The following CDYL variants were observed in gnomAD, a reference collection of about 807,000 sequenced individuals.
The protein encoded by CDYL is chromodomain Y-like protein.
Under a neutral mutation model 47.3 loss-of-function variants are expected in CDYL, and 8 were observed. The observed-to-expected ratio is 0.17, with a 90% CI of 0.10 to 0.31. The LOEUF (loss-of-function observed/expected upper bound fraction) is 0.31, where lower values mean the gene tolerates loss of function less well. Ranked by LOEUF, CDYL falls within the 10% of genes least tolerant of loss-of-function variation. The pLI, the probability that CDYL is intolerant of heterozygous loss-of-function variation, is 1.00. For synonymous variants in CDYL, 266 were observed against 265.0 expected (o/e 1.00, Z -0.04); for missense variants, 471 against 701.4 (o/e 0.67, Z 3.71).
intron 1 of CDYL, among the ~76,000 whole-genome samples, chr6:4,811,258 T>C (rs1175623887): frequency 1.3e-5 from 2 of 152,240 alleles, no homozygotes; most frequent in African/African-American, 4.8e-5. Context: ...CTATGTTGCA[T>C]AGATAATACT....
intron 2 of CDYL, among the ~76,000 whole-genome samples, chr6:4,899,167 T>C (rs1756934095): frequency 6.6e-6 from 1 of 152,124 alleles, no homozygotes; most frequent in African/African-American, 2.4e-5. Flanking sequence ...TTTGTAATCA[T>C]CCCCTGTTGT....
intron 1 of CDYL, chr6:4,836,447 T>G (rs771756666): frequency 1.1e-5 from 2 of 182,642 alleles, no homozygotes; most frequent in African/African-American, 2.4e-5. Flanking sequence ...TTATGGGTTC[T>G]GGGAATTGAG....
chr6:4,852,046 T>C (rs778936090), intron 1 of CDYL, among the ~76,000 whole-genome samples: 1 of 152,222 alleles, frequency 6.6e-6, no homozygotes, highest in Non-Finnish European at 1.5e-5. Flanking sequence ...CTTGCTCTTC[T>C]GTAAAGCGAT....
chr6:4,954,096 G>A lies in CDYL; in HGVS notation c.*40G>A. ...ACTGGTGACACCGGGATCGGGCTGA[G>A]CAGGAGAACATCACCGGCTCCAGTT... On this transcript the variant is annotated 3_prime_UTR_variant, in exon 7 of 7. Coordinates refer to ENST00000397588, the MANE Select transcript of CDYL (RefSeq NM_004824.4). 6.3e-7 allele frequency: 1 copy of A among 1,586,960 alleles called. No individual in the cohort carries two copies. The highest frequency in any genetic ancestry group is 8.6e-7 in the Non-Finnish European group (1 of 1,162,704).
At chr6:4,933,331 A>G (rs1464881104) in intron 2 of CDYL, among the ~76,000 whole-genome samples, 1 of 152,132 alleles carries the variant, frequency 6.6e-6, no homozygotes, top group Non-Finnish European at 1.5e-5. Flanking sequence ...TGGAGGAGCA[A>G]GCATCTCTCC....
intron 3 of CDYL, among the ~76,000 whole-genome samples, chr6:4,741,306 T>G (rs1045767279): frequency 1.2e-4 from 19 of 152,144 alleles, no homozygotes; most frequent in African/African-American, 4.6e-4. Flanking sequence ...AGTCTTAAAG[T>G]TCAATTGGCC....
intron 3 of CDYL, among the ~76,000 whole-genome samples, chr6:4,769,714 G>A (rs72821443): frequency 0.016 from 2,410 of 152,308 alleles, 22 homozygotes; most frequent in Non-Finnish European, 0.024. Context: ...CAGCAAACCA[G>A]ACTCATCTCT....
At chr6:4,759,316 T>A (rs1195648990) in intron 3 of CDYL, among the ~76,000 whole-genome samples, 2 of 152,088 alleles carry the variant, frequency 1.3e-5, no homozygotes, top group Admixed American at 1.3e-4. Context: ...TTGTTAAAAG[T>A]TTTCATATGT....
At chr6:4,889,445 A>T (rs1581237890) in intron 1 of CDYL, among the ~76,000 whole-genome samples, 1 of 151,926 alleles carries the variant, frequency 6.6e-6, no homozygotes, top group East Asian at 1.9e-4. Flanking sequence ...GGCTGGTCTC[A>T]AACTCCTGAC....
intron 1 of CDYL, among the ~76,000 whole-genome samples, chr6:4,889,094 T>C (rs189377198): frequency 2.0e-4 from 30 of 152,366 alleles, no homozygotes; most frequent in Admixed American, 1.6e-3. Flanking sequence ...ACTTGCATAA[T>C]GTTTCCATCA....
chr6:4,831,435 T>A (rs946105445), intron 1 of CDYL, among the ~76,000 whole-genome samples: 1 of 152,222 alleles, frequency 6.6e-6, no homozygotes, highest in South Asian at 2.1e-4. Context: ...TCCATTGATC[T>A]ATATCTCTGT....
intron 1 of CDYL, among the ~76,000 whole-genome samples, chr6:4,864,118 G>A (rs1017909154): frequency 6.6e-6 from 1 of 152,164 alleles, no homozygotes; most frequent in African/African-American, 2.4e-5. Flanking sequence ...AGCTGAGAAC[G>A]TAACTGCCAA....
At chr6:4,760,181 A>G (rs964182317) in intron 3 of CDYL, among the ~76,000 whole-genome samples, 5 of 151,880 alleles carry the variant, frequency 3.3e-5, no homozygotes, top group African/African-American at 1.2e-4. Flanking sequence ...TCAGTGTTCC[A>G]TAAATATTTA....
rs1757241362 is a variant in CDYL at position 4,715,631 on chromosome 6, G to A, written c.-38-110G>A. 2.9e-6 allele frequency: 3 copies of A among 1,051,826 alleles called. No homozygotes were observed. In the African/African-American group the frequency reaches 4.9e-5, roughly 17 times the overall value. 65.2% of individuals were successfully genotyped at this position (1,051,826 alleles called of 1,614,324 possible). A position where few individuals can be genotyped will look rare whatever the true frequency, so the allele number is the denominator to read the frequency against. Reference sequence around the variant, plus strand: ...TCCTCTGCACAAGCACAAAATGCTGGCTCACTCTCAGATTCAATGTAGAAC... The same window carrying A: ...TCCTCTGCACAAGCACAAAATGCTGACTCACTCTCAGATTCAATGTAGAAC... On this transcript the variant is annotated intron_variant, in intron 1 of 8. Coordinates refer to the CDYL transcript ENST00000328908.
chr6:4,817,874 C>T (rs1467143794), intron 1 of CDYL, among the ~76,000 whole-genome samples: 4 of 152,174 alleles, frequency 2.6e-5, no homozygotes, highest in African/African-American at 9.7e-5. Context: ...AACGTTTAGG[C>T]ATTGGCACTT....
chr6:4,889,755 G>A (rs1761990546), intron 1 of CDYL, among the ~76,000 whole-genome samples: 1 of 152,178 alleles, frequency 6.6e-6, no homozygotes, highest in Admixed American at 6.5e-5. Flanking sequence ...CTCTTTGGCA[G>A]TTTATGTAAA....
intron 2 of CDYL, among the ~76,000 whole-genome samples, chr6:4,925,433 A>G (rs1757841497): frequency 2.0e-5 from 2 of 97,852 alleles, no homozygotes; most frequent in South Asian, 7.2e-4. Context: ...TTTTTTTGAG[A>G]CAGAATCTCA....
Position 4,723,749 on chromosome 6 carries a change from A to AT in CDYL, c.103+7868_103+7869insT, listed in dbSNP as rs1275765272. On this transcript the variant is annotated intron_variant, in intron 2 of 8. Transcript: ENST00000328908. ...AGAGTGAGTCTGAAGGCACACAAAC[A>AT]ACACATAAGCCTGGCCCCTGCTCTT... 2.0e-5 allele frequency among the ~76,000 whole-genome samples: 3 copies of AT among 152,162 alleles called. No individual in the cohort carries two copies. In the East Asian group the frequency reaches 5.8e-4, roughly 29 times the overall value.
chr6:4,795,907 T>TA, intron 1 of CDYL, among the ~76,000 whole-genome samples: 1 of 152,340 alleles, frequency 6.6e-6, no homozygotes, highest in South Asian at 2.1e-4. Context: ...CCTGTAAGTT[T>TA]AATTTCATTT....
Sources: allele counts gnomAD v4.1 joint callset (sites outside exome capture counted in the v4.1 genomes callset), GRCh38; gene constraint gnomAD v4.1.1; transcripts MANE v1.5; gene names NCBI Gene and HGNC (gene_info 2026-07-23, HGNC 2026-07-21).